STAG1: variants seen among roughly 807,000 people sequenced by gnomAD.
The protein encoded by STAG1 is cohesin subunit SA-1.
STAG1 carries 26 observed loss-of-function variants against 170.9 expected under a neutral mutation model. The observed-to-expected ratio is 0.15, with a 90% confidence interval of 0.11 to 0.21. The LOEUF (loss-of-function observed/expected upper bound fraction) is 0.21. Ranked by LOEUF, STAG1 falls within the 10% of genes least tolerant of loss-of-function variation. The probability of loss-of-function intolerance (pLI) is 1.00; values close to 1 mark genes in which losing one functional copy is unlikely to be tolerated. For missense variants in STAG1, 964 were observed against 1,509.5 expected (o/e 0.64, Z 5.99); for synonymous variants, 514 against 497.7 (o/e 1.03, Z -0.44).
chr3:136,491,418 A>C (rs1374931472), intron 9 of STAG1, among the ~76,000 whole-genome samples: 1 of 152,170 alleles, frequency 6.6e-6, no homozygotes, highest in Non-Finnish European at 1.5e-5. Context: ...TCAGTATTAC[A>C]TTCCAATTCA....
chr3:136,681,375 G>A (rs907534867), intron 1 of STAG1, among the ~76,000 whole-genome samples: 1 of 152,132 alleles, frequency 6.6e-6, no homozygotes, highest in Non-Finnish European at 1.5e-5. Flanking sequence ...TTAATTGAAC[G>A]ATTTAAATGA....
Position 136,704,035 on chromosome 3 carries a change from C to T in STAG1, c.-84+48160G>A, listed in dbSNP as rs115146057. On this transcript the variant is annotated intron_variant, in intron 1 of 33. Coordinates refer to ENST00000383202, the MANE Select transcript of STAG1 (RefSeq NM_005862.3). ...TCAAAAACTAACAAACAAAAAAACACAGATTGGCATAAATGATTTTTTTTT... is the reference window on the plus strand; with the variant it reads ...TCAAAAACTAACAAACAAAAAAACATAGATTGGCATAAATGATTTTTTTTT... Among the ~76,000 whole-genome samples, 258 of 148,800 alleles carry T rather than the reference C, an allele frequency of 1.7e-3. 1 individual carries two copies. The highest frequency in any genetic ancestry group is 6.1e-3 in the African/African-American group (242 of 39,802).
At chr3:136,712,633 G>A (rs1357931715) in intron 1 of STAG1, among the ~76,000 whole-genome samples, 1 of 152,074 alleles carries the variant, frequency 6.6e-6, no homozygotes, top group Admixed American at 6.6e-5. Context: ...TGTGCACTCA[G>A]GAGAATATAA....
chr3:136,534,697 A>AT (rs1250245018), intron 6 of STAG1, among the ~76,000 whole-genome samples: 1 of 152,198 alleles, frequency 6.6e-6, no homozygotes, highest in Admixed American at 6.5e-5. Context: ...GGGCAATGAG[A>AT]TATCATTCAC....
chr3:136,675,319 C>A (rs1942099230), intron 1 of STAG1, among the ~76,000 whole-genome samples: 1 of 152,138 alleles, frequency 6.6e-6, no homozygotes. Flanking sequence ...ATGCTTGGAG[C>A]CACAACAGCC....
chr3:136,377,028 C>T (rs949537073), intron 23 of STAG1, among the ~76,000 whole-genome samples: 1 of 150,962 alleles, frequency 6.6e-6, no homozygotes, highest in African/African-American at 2.4e-5. Context: ...CTGCCCACCT[C>T]GGCCTCCCAA....
At chr3:136,636,429 T>C (rs1250698327) in intron 1 of STAG1, among the ~76,000 whole-genome samples, 1 of 152,236 alleles carries the variant, frequency 6.6e-6, no homozygotes, top group African/African-American at 2.4e-5. Context: ...TCCATCTACA[T>C]AGAAGAGATA....
intron 4 of STAG1, among the ~76,000 whole-genome samples, chr3:136,574,731 A>C (rs1168693967): frequency 6.6e-6 from 1 of 152,228 alleles, no homozygotes; most frequent in African/African-American, 2.4e-5. Flanking sequence ...CATGGCTGAA[A>C]TTTTTAACAC....
rs544923795 is a variant in STAG1 at position 136,629,468 on chromosome 3, G to A, written c.29+1402C>T. ...CAAACTTAAATATCATATAAATATGGTATTTATACCATATTTATATATGTT... is the reference window on the plus strand; with the variant it reads ...CAAACTTAAATATCATATAAATATGATATTTATACCATATTTATATATGTT... On this transcript the variant is annotated intron_variant, in intron 2 of 33. Transcript: ENST00000383202. Among the ~76,000 whole-genome samples the A allele has an allele frequency of 5.9e-5, 9 of 151,810 alleles. No individual in the cohort carries two copies. In the South Asian group the frequency reaches 1.9e-3, roughly 32 times the overall value.
At chr3:136,413,208 A>C (rs1055478972) in intron 21 of STAG1, among the ~76,000 whole-genome samples, 1 of 148,264 alleles carries the variant, frequency 6.7e-6, no homozygotes, top group Admixed American at 6.8e-5. Flanking sequence ...TAACACACAC[A>C]TTATATATTA....
chr3:136,405,877 A>T (rs1051798067), intron 21 of STAG1, among the ~76,000 whole-genome samples: 3 of 151,678 alleles, frequency 2.0e-5, no homozygotes, highest in Admixed American at 1.3e-4. Flanking sequence ...GGATGGCTAA[A>T]GTAAAGATTA....
chr3:136,731,269 G>A (rs1288130247), intron 1 of STAG1, among the ~76,000 whole-genome samples: 8 of 151,918 alleles, frequency 5.3e-5, no homozygotes, highest in Non-Finnish European at 1.2e-4. Context: ...AATACAGAAT[G>A]TTTATGATAC....
chr3:136,432,119 G>A (rs1331585871), intron 16 of STAG1, among the ~76,000 whole-genome samples: 1 of 151,736 alleles, frequency 6.6e-6, no homozygotes, highest in Non-Finnish European at 1.5e-5. Flanking sequence ...TTTCTTCTCT[G>A]TTCTTCAGAA....
chr3:136,567,710 A>G (rs1389746366), intron 5 of STAG1, among the ~76,000 whole-genome samples: 2 of 152,164 alleles, frequency 1.3e-5, no homozygotes, highest in African/African-American at 2.4e-5. Flanking sequence ...GAATAAATTT[A>G]CCTAAACCCT....
At chr3:136,427,436 T>C (rs1030350861) in intron 16 of STAG1, among the ~76,000 whole-genome samples, 2 of 152,158 alleles carry the variant, frequency 1.3e-5, no homozygotes, top group African/African-American at 2.4e-5. Flanking sequence ...TAGTCAAAAG[T>C]GATCTTGTGG....
At chr3:136,512,643 G>A (rs1934128038) in intron 7 of STAG1, among the ~76,000 whole-genome samples, 1 of 152,198 alleles carries the variant, frequency 6.6e-6, no homozygotes, top group Non-Finnish European at 1.5e-5. Context: ...AGAGCAGACA[G>A]CAGCCAAGCT....
chr3:136,735,612 G>A (rs764151433), intron 1 of STAG1, among the ~76,000 whole-genome samples: 8 of 151,688 alleles, frequency 5.3e-5, no homozygotes, highest in African/African-American at 9.7e-5. Flanking sequence ...TAATTTTTGC[G>A]TTTTTTTATT....
At chr3:136,750,277 T>C (rs1375905940) in intron 1 of STAG1, among the ~76,000 whole-genome samples, 1 of 152,010 alleles carries the variant, frequency 6.6e-6, no homozygotes, top group East Asian at 1.9e-4. Context: ...CACTACAGAG[T>C]AGCTGGAACT....
chr3:136,667,559 C>A (rs1478093448), intron 1 of STAG1, among the ~76,000 whole-genome samples: 1 of 151,932 alleles, frequency 6.6e-6, no homozygotes, highest in African/African-American at 2.4e-5. Context: ...TTTTGTGGTG[C>A]CATCTTGGCT....
Sources: gnomAD v4.1 joint callset for allele counts (sites outside exome capture counted in the v4.1 genomes callset) on GRCh38, gnomAD v4.1.1 for gene constraint, MANE v1.5 for transcripts, NCBI Gene and HGNC (gene_info 2026-07-23, HGNC 2026-07-21) for gene names.